Variants in ASTN2 observed in about 807,000 individuals in gnomAD.
ASTN2 encodes astrotactin-2.
In ASTN2, 54 loss-of-function variants were observed where a neutral mutation model predicts 139.8. That is an observed-to-expected ratio of 0.39 (90% CI 0.31 to 0.48). ASTN2 has a LOEUF of 0.48. Ranked by LOEUF, ASTN2 falls within the 20% of genes least tolerant of loss-of-function variation. ASTN2 has a pLI of 0.95. For synonymous variants in ASTN2, 756 were observed against 719.5 expected (o/e 1.05, Z -0.81); for missense variants, 1,565 against 1,725.1 (o/e 0.91, Z 1.64).
intron 4 of ASTN2, among the ~76,000 whole-genome samples, chr9:117,135,596 T>C (rs72760145): frequency 0.012 from 1,808 of 152,308 alleles, 11 homozygotes; most frequent in Middle Eastern, 0.027. Flanking sequence ...TTTTCCATCA[T>C]GGGACTGTGA....
At chr9:117,250,393 A>G (rs952377447) in intron 2 of ASTN2, among the ~76,000 whole-genome samples, 3 of 152,214 alleles carry the variant, frequency 2.0e-5, no homozygotes, top group Non-Finnish European at 4.4e-5. Context: ...ACATGTAAGG[A>G]ATGATTTTCT....
At chr9:116,478,517 C>T (rs1454110737) in intron 20 of ASTN2, among the ~76,000 whole-genome samples, 1 of 152,092 alleles carries the variant, frequency 6.6e-6, no homozygotes, top group Non-Finnish European at 1.5e-5. Context: ...GCTGAAAGTC[C>T]CTTCAGGGTC....
At chr9:117,085,398 G>C (rs1828535362) in intron 5 of ASTN2, among the ~76,000 whole-genome samples, 1 of 152,148 alleles carries the variant, frequency 6.6e-6, no homozygotes, top group South Asian at 2.1e-4. Flanking sequence ...TCCATAGTTT[G>C]AATCTTTCTC....
intron 13 of ASTN2, among the ~76,000 whole-genome samples, chr9:116,780,263 C>G (rs182546564): frequency 6.6e-6 from 1 of 152,338 alleles, no homozygotes; most frequent in Admixed American, 6.5e-5. Context: ...GTAATAATAA[C>G]TGCACACCTA....
At chr9:116,947,779 C>A (rs544604572) in intron 10 of ASTN2, among the ~76,000 whole-genome samples, 1 of 152,316 alleles carries the variant, frequency 6.6e-6, no homozygotes, top group East Asian at 1.9e-4. Context: ...TAGATAATAA[C>A]AATATAGCCA....
At chr9:117,107,947 A>G (rs563868418) in intron 4 of ASTN2, among the ~76,000 whole-genome samples, 2 of 152,290 alleles carry the variant, frequency 1.3e-5, no homozygotes, top group South Asian at 4.1e-4. Flanking sequence ...TTCCCTGACT[A>G]CAGGCCCTTT....
intron 16 of ASTN2, among the ~76,000 whole-genome samples, chr9:116,701,880 G>GGTT (rs560034509): frequency 3.0e-5 from 4 of 133,338 alleles, no homozygotes; most frequent in African/African-American, 1.1e-4. Flanking sequence ...AGTTTTTTGG[G>GGTT]TTTTTTTTTT....
At chr9:117,088,022 A>G (rs112496595) in intron 5 of ASTN2, among the ~76,000 whole-genome samples, 6,905 of 152,264 alleles carry the variant, frequency 0.045, 543 homozygotes, top group African/African-American at 0.16. Context: ...TTGTCATTTG[A>G]GGAGATGACA....
At chr9:117,111,008 G>T (rs934052703) in intron 4 of ASTN2, among the ~76,000 whole-genome samples, 1 of 152,198 alleles carries the variant, frequency 6.6e-6, no homozygotes, top group African/African-American at 2.4e-5. Flanking sequence ...GCCCTGACAG[G>T]CTCAGCTGAA....
At chr9:117,116,532 C>T (rs2132801103) in intron 4 of ASTN2, among the ~76,000 whole-genome samples, 1 of 151,484 alleles carries the variant, frequency 6.6e-6, no homozygotes, top group South Asian at 2.1e-4. Flanking sequence ...TTGCCATTTG[C>T]TTGATCAAAG....
At chr9:116,501,291 G>T (rs1235404815) in intron 19 of ASTN2, among the ~76,000 whole-genome samples, 1 of 152,210 alleles carries the variant, frequency 6.6e-6, no homozygotes, top group African/African-American at 2.4e-5. Context: ...CAAAGGACAT[G>T]AACTCATCCT....
At chr9:116,761,488 T>C (rs1024086491) in intron 13 of ASTN2, among the ~76,000 whole-genome samples, 2 of 151,490 alleles carry the variant, frequency 1.3e-5, no homozygotes, top group African/African-American at 4.9e-5. Flanking sequence ...CCTGGAGGAG[T>C]TGGCGGACTC....
chr9:117,384,670 C>T (rs10983642), intron 1 of ASTN2, among the ~76,000 whole-genome samples: 1 of 152,080 alleles, frequency 6.6e-6, no homozygotes, highest in African/African-American at 2.4e-5. Context: ...TCTTGAAAGG[C>T]CCTCCCAGGT....
intron 6 of ASTN2, among the ~76,000 whole-genome samples, chr9:117,009,993 A>G (rs753816023): frequency 3.3e-5 from 5 of 152,210 alleles, no homozygotes; most frequent in Admixed American, 6.5e-5. Context: ...ATTCACACAC[A>G]TCATATGATT....
chr9:117,251,460 A>T (rs1833536836), intron 2 of ASTN2, among the ~76,000 whole-genome samples: 1 of 152,132 alleles, frequency 6.6e-6, no homozygotes, highest in Admixed American at 6.5e-5. Context: ...CTTTGAAAAA[A>T]ACATAAGCTT....
intron 20 of ASTN2, among the ~76,000 whole-genome samples, chr9:116,482,665 G>C (rs775871468): frequency 1.3e-5 from 2 of 151,822 alleles, no homozygotes; most frequent in African/African-American, 2.4e-5. Context: ...CCAACCTCGG[G>C]CTTTTTTTCA....
intron 2 of ASTN2, among the ~76,000 whole-genome samples, chr9:117,246,840 C>T (rs1490740655): frequency 6.6e-6 from 1 of 152,078 alleles, no homozygotes; most frequent in Admixed American, 6.6e-5. Context: ...AGCAGGTGAA[C>T]CAGTAATCAC....
chr9:117,207,883 C>T (rs1185548868), intron 3 of ASTN2, among the ~76,000 whole-genome samples: 1 of 152,186 alleles, frequency 6.6e-6, no homozygotes, highest in Non-Finnish European at 1.5e-5. Context: ...GAGTATCTTA[C>T]AAATGTCACT....
intron 19 of ASTN2, among the ~76,000 whole-genome samples, chr9:116,498,730 C>T (rs941563964): frequency 6.6e-6 from 1 of 152,150 alleles, no homozygotes; most frequent in African/African-American, 2.4e-5. Context: ...AAAATTCACA[C>T]AGTGCCAGGT....
Sources: gnomAD v4.1 joint callset for allele counts (sites outside exome capture counted in the v4.1 genomes callset) on GRCh38, gnomAD v4.1.1 for gene constraint, MANE v1.5 for transcripts, NCBI Gene and HGNC (gene_info 2026-07-23, HGNC 2026-07-21) for gene names.